Variants in CEP350 observed in about 807,000 individuals in gnomAD.
The protein encoded by CEP350 is centrosomal protein 350, also known as centrosome-associated protein 350.
In CEP350, 126 loss-of-function variants were observed where a neutral mutation model predicts 331.8. The ratio of observed to expected loss-of-function variants is 0.38; its 90% CI spans 0.33 to 0.44. CEP350 has a LOEUF of 0.44. Among genes scored for constraint, CEP350 ranks in the 20% least tolerant of loss-of-function variants. The pLI is 1.00. For missense variants in CEP350, 3,406 were observed against 3,634.6 expected (o/e 0.94, Z 1.62); for synonymous variants, 1,200 against 1,259.5 (o/e 0.95, Z 1.00).
intron 37 of CEP350, among the ~76,000 whole-genome samples, chr1:180,107,211 C>T (rs1474250208): frequency 6.6e-6 from 1 of 152,068 alleles, no homozygotes; most frequent in East Asian, 1.9e-4. Context: ...AAAGAAATGG[C>T]CCTTTAAGAG....
In CEP350 at chr1:180,062,233, G is replaced by A. The variant is rs201512629; in HGVS notation, c.5276G>A (p.Arg1759His). ...RLQQEKAEIK[R>H]LQEANKAARK... ...TTTAAACCTTAGGCAGAAATAAAACGTCTTCAAGAAGCCAATAAGGCAGCT... is the reference window on the plus strand; with the variant it reads ...TTTAAACCTTAGGCAGAAATAAAACATCTTCAAGAAGCCAATAAGGCAGCT... The change falls in exon 26 of 38, where the codon CGT becomes CAT. Residue 1759 changes from arginine to histidine, a missense_variant. By Grantham distance (29) the Arg-to-His change is conservative (BLOSUM62 0). This residue lies in a region of CEP350 where 1,415 missense variants were observed against 1,512.3 expected (regional missense o/e 0.94). Transcript: ENST00000367607. 3.3e-5 allele frequency: 53 copies of A among 1,608,524 alleles called. No homozygotes were observed. In the Admixed American group the frequency reaches 6.4e-4, roughly 19 times the overall value.
chr1:180,084,112 G>A lies in CEP350; in HGVS notation c.6219G>A (p.Lys2073=), dbSNP rs1481418598. The A allele has an allele frequency of 4.4e-6, 7 of 1,591,288 alleles. No individual in the cohort carries two copies. In the Admixed American group the frequency reaches 1.1e-4, roughly 24 times the overall value. The change falls in exon 31 of 38, where the codon AAG becomes AAA. Residue 2073 remains lysine, a synonymous_variant. Transcript: ENST00000367607. The part of the protein sequence containing the change: ...KRKSVVNQLK[K]EQKKRQKERL... Reference sequence around the variant, plus strand: ...AATCAGTTGTGAACCAGCTGAAGAAGGAACAGAAAAAAAGGCAAAAGGAAA... The same window carrying A: ...AATCAGTTGTGAACCAGCTGAAGAAAGAACAGAAAAAAAGGCAAAAGGAAA...
rs776722310 is a variant in CEP350, at chr1:180,013,921, C to T, written c.1468C>T (p.Arg490Cys). The T allele has an allele frequency of 9.3e-6, 15 of 1,613,592 alleles. No homozygotes were observed. The highest frequency in any genetic ancestry group is 8.3e-5 in the Admixed American group (5 of 59,968). ...TAGACATCTTCAAAGAAACTCAGAA[C>T]GTTCGAGAAGTAAATCTCGGTCTGA... ...LHRHLQRNSERSRSKSRSENN... is the reference protein window; with the variant it reads ...LHRHLQRNSECSRSKSRSENN... The change falls in exon 10 of 38, where the codon CGT becomes TGT. Residue 490 changes from arginine (R) to cysteine (C), a missense_variant. Around this residue, in one of 5 missense-constraint regions of CEP350, gnomAD observed 1,857 missense variants for 1,909.2 expected, o/e 0.97. Transcript: ENST00000367607.
At chr1:180,010,810 A>G (rs191498621) in intron 8 of CEP350, among the ~76,000 whole-genome samples, 16 of 151,838 alleles carry the variant, frequency 1.1e-4, no homozygotes, top group South Asian at 2.1e-4. Context: ...GGGTCCTGCT[A>G]TGTTTCCCAA....
At chr1:180,088,026 A>G (rs1026762287) in intron 32 of CEP350, among the ~76,000 whole-genome samples, 1 of 152,186 alleles carries the variant, frequency 6.6e-6, no homozygotes, top group Admixed American at 6.5e-5. Flanking sequence ...GCTATGTTTC[A>G]GAAGTCAAAA....
chr1:180,077,447 A>G lies in CEP350; in HGVS notation c.5768-1016A>G, dbSNP rs553083830. ...CCAACACTTTGGGAGGCCAAGGCAC[A>G]TACATCACTTGAGCTCAAGAGTTCA... On this transcript the variant is annotated intron_variant, in intron 28 of 37. Transcript: ENST00000367607. Among the ~76,000 whole-genome samples, 5 of 151,962 alleles carry G rather than the reference A, an allele frequency of 3.3e-5. No individual in the cohort carries two copies. The East Asian group carries it at 9.7e-4, about 30-fold the overall frequency.
chr1:180,023,503 T>A (rs951802623), intron 13 of CEP350, among the ~76,000 whole-genome samples: 1 of 152,192 alleles, frequency 6.6e-6, no homozygotes, highest in Non-Finnish European at 1.5e-5. Flanking sequence ...ATTTTCTTTA[T>A]AATCAAGAAA....
At position 180,006,340 on chromosome 1, in the gene CEP350, T is replaced by C; in HGVS notation, c.1133-114T>C. On this transcript the variant is annotated intron_variant, in intron 7 of 37. Transcript: ENST00000367607. ...GCCATAGAAGTAGCCTCAGTGTAGG[T>C]TTCTTTCTCCCTACCTGCAGCATAT... 2 of 634,792 alleles carry C rather than the reference T, an allele frequency of 3.2e-6. 1 individual carries two copies. The highest frequency in any genetic ancestry group is 3.8e-5 in the South Asian group (2 of 52,490). 39.3% of individuals were successfully genotyped at this position (634,792 alleles called of 1,614,324 possible).
chr1:180,055,038 A>T (rs911781972), intron 25 of CEP350, among the ~76,000 whole-genome samples: 2 of 152,210 alleles, frequency 1.3e-5, no homozygotes, highest in Admixed American at 1.3e-4. Context: ...TGAACAAGTT[A>T]CTTAACTTCT....
chr1:180,093,331 C>T lies in CEP350; in HGVS notation c.7226C>T (p.Ser2409Phe), dbSNP rs1161829656. Residue 2409 changes from serine (S) to phenylalanine (F), a missense_variant, in exon 34 of 38, where the codon TCT becomes TTT. By Grantham distance (155) the Ser-to-Phe change is radical (BLOSUM62 -2). This residue lies in a region of CEP350 where 1,415 missense variants were observed against 1,512.3 expected (regional missense o/e 0.94). Transcript: ENST00000367607. ...VSSLLSLRKD[S>F]QSCRDKPQPM... ...TCTTTGCTGTCACTCAGGAAAGACT[C>T]TCAGTCTTGCAGAGATAAGCCACAG... is the stretch of plus-strand genomic sequence containing the variant. 6.3e-7 allele frequency: 1 copy of T among 1,598,962 alleles called. No homozygotes were observed. The highest frequency in any genetic ancestry group is 1.1e-5 in the South Asian group (1 of 88,418).
intron 31 of CEP350, 157 bp downstream of exon 31, chr1:180,084,335 G>A: frequency 3.6e-6 from 2 of 552,264 alleles, no homozygotes; most frequent in African/African-American, 2.0e-5. Context: ...GGGTATCCAA[G>A]GACATTCTTG....
In CEP350 at chr1:180,072,624, C is replaced by T. The variant is rs1011275316; in HGVS notation, c.5568-2398C>T. On this transcript the variant is annotated intron_variant, in intron 27 of 37. Coordinates refer to ENST00000367607, the MANE Select transcript of CEP350 (RefSeq NM_014810.5). Reference sequence around the variant, plus strand: ...TTTCAGTGCAGAAAATCAAGGCAATCCAGATATGAATATGTGTGTTTTTGC... The same window carrying T: ...TTTCAGTGCAGAAAATCAAGGCAATTCAGATATGAATATGTGTGTTTTTGC... Among the ~76,000 whole-genome samples, 6 of 152,168 alleles carry T rather than the reference C, an allele frequency of 3.9e-5. No homozygotes were observed. In the East Asian group the frequency reaches 5.8e-4, roughly 15 times the overall value.
chr1:180,034,316 AAT>A (rs1197546298), intron 16 of CEP350, among the ~76,000 whole-genome samples: 2 of 152,160 alleles, frequency 1.3e-5, no homozygotes, highest in Non-Finnish European at 2.9e-5. Flanking sequence ...ATATCTGAAA[AAT>A]ATGTCCCATA....
At chr1:180,044,241 T>G (rs2148929840) in intron 21 of CEP350, 68 bp downstream of exon 21, 3 of 1,369,786 alleles carry the variant, frequency 2.2e-6, no homozygotes, top group South Asian at 1.6e-5. Flanking sequence ...AAACATTGCT[T>G]TCTTTGATTT....
At chr1:180,058,644 G>T (rs1470531365) in intron 25 of CEP350, among the ~76,000 whole-genome samples, 1 of 152,102 alleles carries the variant, frequency 6.6e-6, no homozygotes, top group Non-Finnish European at 1.5e-5. Flanking sequence ...AAACAAATGT[G>T]CAAACTGTTA....
intron 27 of CEP350, 132 bp downstream of exon 27, chr1:180,065,404 TTG>T (rs1658490729): frequency 2.2e-6 from 2 of 896,992 alleles, no homozygotes; most frequent in Non-Finnish European, 3.2e-6. Flanking sequence ...TTTAGCAGAA[TTG>T]TTAGATTAAC....
At chr1:180,044,350 AACT>A (rs1334209080) in intron 21 of CEP350, among the ~76,000 whole-genome samples, 177 bp downstream of exon 21, 2 of 152,172 alleles carry the variant, frequency 1.3e-5, no homozygotes, top group African/African-American at 4.8e-5. Flanking sequence ...GTAATAATGT[AACT>A]ACTGTTCCTT....
chr1:180,049,574 T>G (rs1657353291), intron 22 of CEP350, among the ~76,000 whole-genome samples: 1 of 150,664 alleles, frequency 6.6e-6, no homozygotes, highest in Non-Finnish European at 1.5e-5. Flanking sequence ...AGACAGAGTC[T>G]TGTTCTGTCA....
chr1:180,096,013 T>C lies in CEP350; in HGVS notation c.8920-25T>C, dbSNP rs181909583. The C allele has an allele frequency of 6.6e-3, 10,174 of 1,542,958 alleles. 68 individuals are homozygous for C. Among genetic ancestry groups the C allele is most frequent in the South Asian group, 0.02 (1,611 of 82,178 alleles). ...TTGGATTCTTAGCCATTTTGTTTTG[T>C]TTTGTTTTGTTTTTCTCTATCAAGG... On this transcript the variant is annotated intron_variant, in intron 35 of 37. Transcript: ENST00000367607.
Sources: allele counts gnomAD v4.1 joint callset (sites outside exome capture counted in the v4.1 genomes callset), GRCh38; gene constraint gnomAD v4.1.1; regional missense constraint gnomAD v4.1.1; transcripts MANE v1.5; gene names NCBI Gene and HGNC (gene_info 2026-07-23, HGNC 2026-07-21).